The following UMAD1 variants were observed in gnomAD, a reference collection of about 807,000 sequenced individuals.
UMAD1 encodes the protein UBAP1-MVB12-associated (UMA)-domain containing protein 1.
A neutral mutation model predicts 6.1 loss-of-function variants in UMAD1; 8 were observed. The ratio of observed to expected loss-of-function variants is 1.30; its 90% confidence interval spans 0.76 to 2.35. The LOEUF is 2.35. UMAD1 is among the 30% of genes most tolerant of loss of function. UMAD1 has a pLI of 0.00. For missense variants in UMAD1, 130 were observed against 78.4 expected (o/e 1.66, Z -2.49); for synonymous variants, 56 against 31.4 (o/e 1.78, Z -2.61).
At chr7:7,731,057 G>A (rs1167424343) in intron 2 of UMAD1, among the ~76,000 whole-genome samples, 1 of 152,196 alleles carries the variant, frequency 6.6e-6, no homozygotes. Context: ...GAGTGCAGTG[G>A]CACCAATCTC....
chr7:7,713,360 A>AAAAC (rs200517572), intron 2 of UMAD1, among the ~76,000 whole-genome samples: 75 of 152,020 alleles, frequency 4.9e-4, no homozygotes, highest in African/African-American at 1.7e-3. Context: ...AAACAAAACA[A>AAAAC]AAACAAACAA....
intron 2 of UMAD1, among the ~76,000 whole-genome samples, chr7:7,694,529 A>T (rs1422795230): frequency 1.5e-5 from 2 of 133,044 alleles, no homozygotes; most frequent in African/African-American, 2.9e-5. Context: ...TCCCCACCCC[A>T]CCCCCACCAC....
chr7:7,673,434 A>T lies in UMAD1; in HGVS notation c.63A>T (p.Ala21=). 1.1e-6 allele frequency: 1 copy of T among 934,014 alleles called. No individual in the cohort carries two copies. The highest frequency in any genetic ancestry group is 2.6e-5 in the East Asian group (1 of 38,108). 57.9% of individuals were successfully genotyped at this position (934,014 alleles called of 1,614,324 possible). The change falls in exon 2 of 4, where the codon GCA becomes GCT. Residue 21 remains alanine (A), a synonymous_variant. Transcript: ENST00000682710. The stretch of plus-strand genomic sequence containing the variant: ...AGCCCTCAGTACCAGAGACAGAAGC[A>T]GATGGATTCGTCCTTTTAGGTGAGT... The part of the protein sequence containing the change: ...SKKPSVPETE[A]DGFVLLGDTT...
intron 3 of UMAD1, among the ~76,000 whole-genome samples, chr7:7,826,373 T>G (rs1249264730): frequency 3.3e-5 from 5 of 152,122 alleles, no homozygotes; most frequent in Admixed American, 2.0e-4. Context: ...TTCTCTAGTA[T>G]CTAGTACTAA....
chr7:7,729,811 G>A (rs573818542), intron 2 of UMAD1, among the ~76,000 whole-genome samples: 2 of 152,268 alleles, frequency 1.3e-5, no homozygotes, highest in Non-Finnish European at 2.9e-5. Context: ...ACACAGAGCA[G>A]TGCTACCTTG....
At chr7:7,750,503 C>G (rs542926809) in intron 2 of UMAD1, among the ~76,000 whole-genome samples, 18 of 152,112 alleles carry the variant, frequency 1.2e-4, no homozygotes, top group Non-Finnish European at 2.6e-4. Flanking sequence ...GAATAACTAC[C>G]TGATTTCTTG....
At chr7:7,797,089 C>G (rs1782699732) in intron 2 of UMAD1, among the ~76,000 whole-genome samples, 1 of 152,184 alleles carries the variant, frequency 6.6e-6, no homozygotes. Flanking sequence ...AAGCATGATG[C>G]TGGCAACTGC....
intron 3 of UMAD1, among the ~76,000 whole-genome samples, chr7:7,803,208 G>A (rs1011908290): frequency 2.6e-5 from 4 of 152,240 alleles, no homozygotes; most frequent in Admixed American, 6.5e-5. Context: ...GGGCGTAGTG[G>A]CCCATACCTG....
At chr7:7,697,061 G>C (rs767217909) in intron 2 of UMAD1, among the ~76,000 whole-genome samples, 2 of 151,972 alleles carry the variant, frequency 1.3e-5, no homozygotes, top group African/African-American at 4.8e-5. Context: ...CAGCAGGAAC[G>C]GTCTTGTGGT....
At chr7:7,844,827 C>A (rs114617670) in intron 3 of UMAD1, among the ~76,000 whole-genome samples, 1,606 of 152,142 alleles carry the variant, frequency 0.011, 30 homozygotes, top group African/African-American at 0.036. Context: ...ATATTAGGGA[C>A]CCCTTAATTT....
Position 7,709,234 on chromosome 7 carries a change from ATGT to A in UMAD1, c.82+35783_82+35785del, listed in dbSNP as rs1294734939. Among the ~76,000 whole-genome samples, 10 of 152,294 alleles carry A rather than the reference ATGT, an allele frequency of 6.6e-5. 1 individual carries two copies. Among genetic ancestry groups the A allele is most frequent in the African/African-American group, 2.4e-4 (10 of 41,562 alleles). The stretch of plus-strand genomic sequence containing the variant: ...TTTATCTCAATTATATGTGTGAATA[ATGT>A]TATGCATGGGGTTACTTTTAATATG... On this transcript the variant is annotated intron_variant, in intron 2 of 3. Transcript: ENST00000682710.
chr7:7,813,535 G>A (rs1783065766), intron 3 of UMAD1, among the ~76,000 whole-genome samples: 1 of 152,152 alleles, frequency 6.6e-6, no homozygotes, highest in South Asian at 2.1e-4. Context: ...CACTTGCAGA[G>A]GGAGAAAAGA....
intron 3 of UMAD1, among the ~76,000 whole-genome samples, chr7:7,865,073 T>C (rs1463991156): frequency 3.3e-5 from 5 of 152,204 alleles, no homozygotes. Flanking sequence ...TGACTGTTCA[T>C]GAGGGTATCC....
rs144274880 is a variant in UMAD1, at chr7:7,801,807, T to C, written c.156+64T>C. 5.4e-4 allele frequency: 381 copies of C among 707,380 alleles called. No homozygotes were observed. The African/African-American group carries it at 5.8e-3, about 11-fold the overall frequency. 43.8% of individuals were successfully genotyped at this position (707,380 alleles called of 1,614,324 possible). On this transcript the variant is annotated intron_variant, in intron 3 of 3. Coordinates refer to ENST00000682710, the MANE Select transcript of UMAD1 (RefSeq NM_001302348.2). ...ACAAGTCACTATGATTACTTATGCCTCCGAGGATAAATAGTAACTTCTGCT... is the reference window on the plus strand; with the variant it reads ...ACAAGTCACTATGATTACTTATGCCCCCGAGGATAAATAGTAACTTCTGCT...
intron 3 of UMAD1, among the ~76,000 whole-genome samples, chr7:7,811,372 T>G (rs1783018600): frequency 6.6e-6 from 1 of 152,224 alleles, no homozygotes; most frequent in Non-Finnish European, 1.5e-5. Context: ...GATGTGTTTA[T>G]CCTCTTATGC....
At chr7:7,864,905 GCC>G (rs1784198244) in intron 3 of UMAD1, among the ~76,000 whole-genome samples, 1 of 152,096 alleles carries the variant, frequency 6.6e-6, no homozygotes, top group South Asian at 2.1e-4. Context: ...TGATTTTTAT[GCC>G]TATGTAATAA....
intron 2 of UMAD1, among the ~76,000 whole-genome samples, chr7:7,748,353 A>C (rs917983831): frequency 6.6e-6 from 1 of 152,178 alleles, no homozygotes; most frequent in African/African-American, 2.4e-5. Flanking sequence ...ATTATATTCC[A>C]TAAATTATAA....
chr7:7,684,342 C>T (rs1380315932), intron 2 of UMAD1, among the ~76,000 whole-genome samples: 2 of 151,938 alleles, frequency 1.3e-5, no homozygotes, highest in African/African-American at 4.8e-5. Context: ...ATTGGGATTA[C>T]AGGCGTGTGC....
rs1781639639 is a variant in UMAD1 at position 7,749,632 on chromosome 7, C to A, written c.83-52038C>A. On this transcript the variant is annotated intron_variant, in intron 2 of 3. Transcript: ENST00000682710. The stretch of plus-strand genomic sequence containing the variant: ...TCTTGGCATGCTTAGGAGGGCAAGT[C>A]ATGAATCTTTACTCTCATATTTTTC... Among the ~76,000 whole-genome samples the A allele has an allele frequency of 1.3e-5, 2 of 152,046 alleles. 1 individual carries two copies. The highest frequency in any genetic ancestry group is 4.2e-4 in the South Asian group (2 of 4,812).
Sources: gnomAD v4.1 joint callset for allele counts (sites outside exome capture counted in the v4.1 genomes callset) on GRCh38, gnomAD v4.1.1 for gene constraint, MANE v1.5 for transcripts, NCBI Gene and HGNC (gene_info 2026-07-23, HGNC 2026-07-21) for gene names.